The following WWOX variants were observed in gnomAD, a reference collection of about 807,000 sequenced individuals.
The protein encoded by WWOX is WW domain containing oxidoreductase, also known as WW domain-containing oxidoreductase.
In WWOX, 69 loss-of-function variants were observed where a neutral mutation model predicts 46.2. The observed-to-expected ratio is 1.49, with a 90% CI of 1.23 to 1.82. The LOEUF is 1.82. Among genes scored for constraint, WWOX ranks in the 40% most tolerant of loss-of-function variants. The pLI, the probability that WWOX is intolerant of heterozygous loss-of-function variation, is 0.00. For synonymous variants in WWOX, 359 were observed against 202.6 expected (o/e 1.77, Z -6.56); for missense variants, 919 against 542.6 (o/e 1.69, Z -6.89).
rs901187278 is a variant in WWOX, at chr16:79,125,078, C to T, written c.1057-86530C>T. ...TTTTTTTTTTAGGGATAAATTTCTCCCAAACTATATGCAGATCCTGCTAGA... is the reference window on the plus strand; with the variant it reads ...TTTTTTTTTTAGGGATAAATTTCTCTCAAACTATATGCAGATCCTGCTAGA... On this transcript the variant is annotated intron_variant, in intron 8 of 8. Coordinates refer to ENST00000566780, the MANE Select transcript of WWOX (RefSeq NM_016373.4). Among the ~76,000 whole-genome samples the T allele has an allele frequency of 4.6e-5, 7 of 151,102 alleles. No homozygotes were observed. In the East Asian group the frequency reaches 1.2e-3, roughly 25 times the overall value.
intron 8 of WWOX, among the ~76,000 whole-genome samples, chr16:78,614,506 G>T (rs1368179483): frequency 6.6e-6 from 1 of 152,234 alleles, no homozygotes; most frequent in East Asian, 1.9e-4. Context: ...TTCACGGTGT[G>T]TGTCCTGCTG....
chr16:78,195,486 C>T (rs2036019532), intron 5 of WWOX, among the ~76,000 whole-genome samples: 1 of 151,896 alleles, frequency 6.6e-6, no homozygotes, highest in Non-Finnish European at 1.5e-5. Flanking sequence ...GAAATTTCCA[C>T]ATGTTAAGAT....
intron 8 of WWOX, chr16:78,896,426 G>C (rs1597119849): frequency 6.6e-6 from 1 of 152,110 alleles, no homozygotes; most frequent in African/African-American, 2.4e-5. Context: ...TTCTACATCC[G>C]TTAGCACACT....
chr16:79,199,767 G>A (rs1424816028), intron 8 of WWOX, among the ~76,000 whole-genome samples: 2 of 152,158 alleles, frequency 1.3e-5, no homozygotes, highest in Admixed American at 6.5e-5. Context: ...TTGACAGTTC[G>A]AAGGTCAGCT....
intron 8 of WWOX, among the ~76,000 whole-genome samples, chr16:78,656,212 C>T (rs965267821): frequency 5.9e-5 from 9 of 151,964 alleles, no homozygotes; most frequent in Admixed American, 1.3e-4. Context: ...GGTAGGATCA[C>T]CTCTCTGTGC....
At chr16:79,097,945 G>A (rs1290875586) in intron 8 of WWOX, among the ~76,000 whole-genome samples, 3 of 152,248 alleles carry the variant, frequency 2.0e-5, no homozygotes, top group Non-Finnish European at 2.9e-5. Context: ...AGGTCCTGCC[G>A]GGTGACTAAG....
intron 8 of WWOX, among the ~76,000 whole-genome samples, chr16:78,479,488 G>A (rs552233852): frequency 6.6e-6 from 1 of 152,180 alleles, no homozygotes; most frequent in African/African-American, 2.4e-5. Flanking sequence ...ATGCAAATAT[G>A]GTAGTACTGT....
rs757780854 is a variant in WWOX, at chr16:78,527,005, CA to C, written c.1056+94255del. ...CATGGTGAAACCCCATCTCTACTAA[CA>C]ATACAAAATTAGCTGGGTGTGGTGA... On this transcript the variant is annotated intron_variant, in intron 8 of 8. Transcript: ENST00000566780. Among the ~76,000 whole-genome samples, 282 of 152,176 alleles carry C rather than the reference CA, an allele frequency of 1.9e-3. 1 individual carries two copies. Among genetic ancestry groups the C allele is most frequent in the Admixed American group, 3.6e-3 (55 of 15,280 alleles).
chr16:78,466,039 G>A (rs962535315), intron 8 of WWOX, among the ~76,000 whole-genome samples: 2 of 148,460 alleles, frequency 1.3e-5, no homozygotes, highest in African/African-American at 4.9e-5. Flanking sequence ...TTGGTTTTTT[G>A]TTTTTTTTTT....
rs150620104 is a variant in WWOX at position 78,715,766 on chromosome 16, C to T, written c.1056+283014C>T. 9.3e-4 allele frequency among the ~76,000 whole-genome samples: 142 copies of T among 152,258 alleles called. 2 individuals carry two copies. The East Asian group carries it at 0.017, about 19-fold the overall frequency. On this transcript the variant is annotated intron_variant, in intron 8 of 8. Transcript: ENST00000566780. ...TTCTGGGATTACAGGCATGAGCCAC[C>T]GTGCCCAGCCGTGTCTGACCATTTT...
chr16:78,532,221 A>G (rs1262131038), intron 8 of WWOX, among the ~76,000 whole-genome samples: 3 of 152,144 alleles, frequency 2.0e-5, no homozygotes, highest in African/African-American at 2.4e-5. Context: ...TAATATTGGT[A>G]TCACTTTAAA....
chr16:79,009,649 C>G (rs573416313), intron 8 of WWOX, among the ~76,000 whole-genome samples: 4 of 152,302 alleles, frequency 2.6e-5, no homozygotes, highest in South Asian at 2.1e-4. Flanking sequence ...CAAGGTTTCC[C>G]CATGTTGGCC....
chr16:78,217,038 A>G (rs944253037), intron 5 of WWOX, among the ~76,000 whole-genome samples: 4 of 152,144 alleles, frequency 2.6e-5, no homozygotes, highest in Non-Finnish European at 5.9e-5. Context: ...CCCTATTTTA[A>G]TGCGAGGTAA....
intron 5 of WWOX, among the ~76,000 whole-genome samples, chr16:78,351,364 T>C (rs2081180472): frequency 6.6e-6 from 1 of 152,184 alleles, no homozygotes; most frequent in African/African-American, 2.4e-5. Flanking sequence ...GTCCAGCAGT[T>C]GTGTCAGGTA....
chr16:78,943,384 C>T (rs116425404), intron 8 of WWOX, among the ~76,000 whole-genome samples: 132 of 147,734 alleles, frequency 8.9e-4, no homozygotes, highest in African/African-American at 3.3e-3. Flanking sequence ...TCATCTCCTC[C>T]GACTGCATCG....
intron 5 of WWOX, among the ~76,000 whole-genome samples, chr16:78,354,162 G>C (rs902324626): frequency 1.3e-5 from 2 of 152,020 alleles, no homozygotes; most frequent in Admixed American, 1.3e-4. Flanking sequence ...TTGTGTTTTG[G>C]TTTTTATCAG....
intron 8 of WWOX, among the ~76,000 whole-genome samples, chr16:79,036,061 T>C (rs925283523): frequency 1.3e-5 from 2 of 152,256 alleles, no homozygotes; most frequent in Non-Finnish European, 2.9e-5. Context: ...GGTCTCTCTG[T>C]GGTTTTCTTT....
intron 8 of WWOX, among the ~76,000 whole-genome samples, chr16:78,433,285 C>T (rs897809965): frequency 3.9e-5 from 6 of 152,030 alleles, no homozygotes; most frequent in Non-Finnish European, 4.4e-5. Context: ...TTTACTTTCC[C>T]AAAGACAATT....
rs1452058497 is a variant in WWOX, at chr16:78,735,385, C to CCAGACACAAACA, written c.1056+302635_1056+302636insGACACAAACACA. 8.3e-3 allele frequency among the ~76,000 whole-genome samples: 867 copies of CCAGACACAAACA among 103,902 alleles called. 9 individuals carry two copies. Among genetic ancestry groups the CCAGACACAAACA allele is most frequent in the South Asian group, 0.036 (141 of 3,896 alleles). 68.2% of individuals were successfully genotyped at this position (103,902 alleles called of 152,430 possible). A position where few individuals can be genotyped will look rare whatever the true frequency, so the allele number is the denominator to read the frequency against. ...GAACCAATAAGAGATGTCATACACA[C>CCAGACACAAACA]CACACACAAACACACACACACACAC... On this transcript the variant is annotated intron_variant, in intron 8 of 8. Transcript: ENST00000566780.
Sources: gnomAD v4.1 joint callset for allele counts (sites outside exome capture counted in the v4.1 genomes callset) on GRCh38, gnomAD v4.1.1 for gene constraint, MANE v1.5 for transcripts, NCBI Gene and HGNC (gene_info 2026-07-23, HGNC 2026-07-21) for gene names.